WDR59: variants seen among roughly 807,000 people sequenced by gnomAD.
WDR59 encodes the protein GATOR2 complex protein WDR59.
WDR59 carries 100 observed loss-of-function variants against 131.2 expected under a neutral mutation model. The observed-to-expected ratio is 0.76, with a 90% CI of 0.65 to 0.90. The LOEUF is 0.90. Among genes scored for constraint, WDR59 ranks in the 40% least tolerant of loss-of-function variants. The pLI is 0.00. For missense variants in WDR59, 1,203 were observed against 1,262.2 expected, an observed-to-expected ratio of 0.95 and a Z score of 0.71; for synonymous variants, 601 against 466.2, an observed-to-expected ratio of 1.29 and a Z score of -3.72.
intron 8 of WDR59, among the ~76,000 whole-genome samples, chr16:74,927,279 T>C (rs1190631871): frequency 6.6e-6 from 1 of 152,138 alleles, no homozygotes; most frequent in Non-Finnish European, 1.5e-5. Context: ...AAACATAAAA[T>C]GAGAAAACTC....
Position 74,949,750 on chromosome 16 carries a change from A to G in WDR59, c.375T>C (p.Ser125=), listed in dbSNP as rs200767800. ...VFEPDLLVTS[S]VDTYIYIWDI... ...CCCAAATGTAGATGTAGGTGTCCAC[A>G]GAGCTGGTAACCAGGAGGTCAGGCT... Residue 125 remains serine, a synonymous_variant, in exon 5 of 26, where the codon TCT becomes TCC. Coordinates refer to ENST00000262144, the MANE Select transcript of WDR59 (RefSeq NM_030581.4). 2 of 1,613,996 alleles carry G rather than the reference A, an allele frequency of 1.2e-6. No homozygotes were observed. Among genetic ancestry groups the G allele is most frequent in the East Asian group, 2.2e-5 (1 of 44,868 alleles).
At position 74,871,479 on chromosome 16, in the gene WDR59, A is replaced by C. The variant is rs1033061819; in HGVS notation, c.*2730T>G. 5.2e-5 allele frequency: 8 copies of C among 152,388 alleles called. No homozygotes were observed. Among genetic ancestry groups the C allele is most frequent in the African/African-American group, 1.7e-4 (7 of 41,602 alleles). 9.4% of individuals were successfully genotyped at this position (152,388 alleles called of 1,614,324 possible). A position where few individuals can be genotyped will look rare whatever the true frequency, so the allele number is the denominator to read the frequency against. ...TAAAATATTAGACTTTTGTTCTGGT[A>C]ACTTGGAAATTCAAAAGGAATTTCC... On this transcript the variant is annotated 3_prime_UTR_variant, in exon 26 of 26. Transcript: ENST00000262144.
chr16:74,913,958 G>A (rs1966235483), intron 13 of WDR59, among the ~76,000 whole-genome samples: 1 of 152,218 alleles, frequency 6.6e-6, no homozygotes, highest in African/African-American at 2.4e-5. Flanking sequence ...TGTAATCCCA[G>A]CACTTTGGGA....
In WDR59 at chr16:74,909,611, G is replaced by A; in HGVS notation, c.1532C>T (p.Ser511Phe). The A allele has an allele frequency of 6.2e-7, 1 of 1,603,500 alleles. No individual in the cohort carries two copies. Among genetic ancestry groups the A allele is most frequent in the Non-Finnish European group, 8.5e-7 (1 of 1,176,412 alleles). ...ASSNPFALPN[S>F]VTPPLPTFAR... ...AAACGTCGGTAAGGGGGGAGTGACA[G>A]AGTTGGGGAGTGCAAACGGGTTGCT... Residue 511 changes from serine to phenylalanine, a missense_variant, in exon 16 of 26, where the codon TCT (serine) becomes TTT (phenylalanine). Ser to Phe is a radical substitution (Grantham distance 155, BLOSUM62 -2). Coordinates refer to ENST00000262144, the MANE Select transcript of WDR59 (RefSeq NM_030581.4).
At chr16:74,933,529 A>G (rs1211189211) in intron 8 of WDR59, among the ~76,000 whole-genome samples, 1 of 152,132 alleles carries the variant, frequency 6.6e-6, no homozygotes, top group East Asian at 1.9e-4. Flanking sequence ...TTTATCACTT[A>G]CTGCTGTATT....
At chr16:74,972,882 A>T (rs2034043993) in intron 1 of WDR59, among the ~76,000 whole-genome samples, 1 of 149,686 alleles carries the variant, frequency 6.7e-6, no homozygotes, top group Non-Finnish European at 1.5e-5. Context: ...CAAACTGAAA[A>T]CCACTGATTA....
chr16:74,926,277 C>T (rs922632320), intron 8 of WDR59, among the ~76,000 whole-genome samples: 3 of 151,992 alleles, frequency 2.0e-5, no homozygotes, highest in Non-Finnish European at 2.9e-5. Context: ...AGGCTGGTCT[C>T]GAACTCCTGA....
rs1964835323 is a variant in WDR59 at position 74,887,709 on chromosome 16, C to A, written c.2393G>T (p.Gly798Val). 1 of 1,613,982 alleles carries A rather than the reference C, an allele frequency of 6.2e-7. No homozygotes were observed. Among genetic ancestry groups the A allele is most frequent in the African/African-American group, 1.3e-5 (1 of 74,898 alleles). Residue 798 changes from glycine (G) to valine (V), a missense_variant, in exon 23 of 26, where the codon GGG (glycine) becomes GTG (valine). Physicochemically the swap from Gly to Val is moderately radical, Grantham distance 109. Transcript: ENST00000262144. ...TATGTTCCAGCCGCCAGTGTTGAGC[C>A]CTGGGTCTGACATACTGGAGCAGGA... ...SGSCSSMSDP[G>V]LNTGGWNIAG...
chr16:74,904,030 CA>C lies in WDR59; in HGVS notation c.1782del (p.Asn596ThrfsTer73). ...CTCCCACTGTATAAACGAAGGTTCC[CA>C]GGGGCCTCTGTGCGGATCTTCATGG... ...IAPMKIRTEA[P>X]GNLRLYSGSP... On this transcript the variant is annotated frameshift_variant, in exon 18 of 26. Coordinates refer to ENST00000262144, the MANE Select transcript of WDR59 (RefSeq NM_030581.4). LOFTEE classifies it high-confidence loss of function. 3 of 1,612,944 alleles carry C rather than the reference CA, an allele frequency of 1.9e-6. No homozygotes were observed. The highest frequency in any genetic ancestry group is 2.5e-6 in the Non-Finnish European group (3 of 1,179,716).
intron 8 of WDR59, among the ~76,000 whole-genome samples, chr16:74,937,940 G>C (rs1471774602): frequency 6.6e-6 from 1 of 152,228 alleles, no homozygotes; most frequent in African/African-American, 2.4e-5. Context: ...ACACAATGTG[G>C]TTATGCTGAA....
intron 19 of WDR59, among the ~76,000 whole-genome samples, chr16:74,892,913 T>C (rs1965114880): frequency 6.6e-6 from 1 of 152,198 alleles, no homozygotes. Context: ...CGACACTGAC[T>C]ATGGTTCCTA....
intron 1 of WDR59, among the ~76,000 whole-genome samples, chr16:74,973,080 A>G (rs565126810): frequency 6.6e-6 from 1 of 152,026 alleles, no homozygotes; most frequent in South Asian, 2.1e-4. Context: ...TCTCTACTAA[A>G]AACACAAAAA....
chr16:74,906,748 G>C (rs1965839087), intron 17 of WDR59, among the ~76,000 whole-genome samples: 1 of 152,146 alleles, frequency 6.6e-6, no homozygotes, highest in Non-Finnish European at 1.5e-5. Context: ...CATAAAACAG[G>C]TCATGCCGCA....
intron 8 of WDR59, 64 bp from the exon 9 acceptor site, chr16:74,924,067 G>C (rs1178536548): frequency 3.3e-6 from 5 of 1,512,146 alleles, no homozygotes; most frequent in Non-Finnish European, 4.5e-6. Flanking sequence ...ACTGAAATAA[G>C]CACAGCCTTT....
At chr16:74,906,689 G>C (rs1481227097) in intron 17 of WDR59, among the ~76,000 whole-genome samples, 1 of 152,184 alleles carries the variant, frequency 6.6e-6, no homozygotes, top group Non-Finnish European at 1.5e-5. Flanking sequence ...GACACATGCA[G>C]CAATGTGGAT....
chr16:74,908,878 T>C, intron 17 of WDR59, 30 bp downstream of exon 17: 8 of 1,608,922 alleles, frequency 5.0e-6, no homozygotes, highest in African/African-American at 1.3e-5. Flanking sequence ...CCCGGGAACG[T>C]AGAGCGGCTT....
rs927326066 is a variant in WDR59, at chr16:74,925,213, C to T, written c.652-1210G>A. On this transcript the variant is annotated intron_variant, in intron 8 of 25. Transcript: ENST00000262144. ...ACTTAGATGACTCTTAAAGGCATTA[C>T]GTTGAATGAAAAAAAGACAACCTTA... 2.6e-5 allele frequency among the ~76,000 whole-genome samples: 4 copies of T among 152,138 alleles called. No homozygotes were observed. The East Asian group carries it at 5.8e-4, about 22-fold the overall frequency.
chr16:74,896,058 G>C (rs886337168), intron 18 of WDR59, among the ~76,000 whole-genome samples: 5 of 151,748 alleles, frequency 3.3e-5, no homozygotes, highest in African/African-American at 1.2e-4. Context: ...CACATAACTG[G>C]TCATCTCAAG....
At chr16:74,916,657 G>T (rs369378617) in intron 11 of WDR59, among the ~76,000 whole-genome samples, 4 of 152,076 alleles carry the variant, frequency 2.6e-5, no homozygotes, top group Non-Finnish European at 4.4e-5. Flanking sequence ...TTAGGAGTTT[G>T]AGACCAGCCT....
Sources: gnomAD v4.1 joint callset for allele counts (sites outside exome capture counted in the v4.1 genomes callset) on GRCh38, gnomAD v4.1.1 for gene constraint, MANE v1.5 for transcripts, NCBI Gene and HGNC (gene_info 2026-07-23, HGNC 2026-07-21) for gene names.